The following DENND1A variants were observed in gnomAD, a reference collection of about 807,000 sequenced individuals.
DENND1A encodes the protein DENN domain containing 1A.
A neutral mutation model predicts 113.7 loss-of-function variants in DENND1A; 51 were observed. The observed-to-expected ratio is 0.45, with a 90% CI of 0.36 to 0.57. DENND1A has a LOEUF of 0.57. Ranked by LOEUF, DENND1A falls within the 20% of genes least tolerant of loss-of-function variation. The pLI, the probability that DENND1A is intolerant of heterozygous loss-of-function variation, is 0.00. For missense variants in DENND1A, 1,258 were observed against 1,395.9 expected (o/e 0.90, Z 1.57); for synonymous variants, 565 against 570.8 (o/e 0.99, Z 0.14).
At chr9:123,750,607 T>A (rs926710388) in intron 5 of DENND1A, among the ~76,000 whole-genome samples, 2 of 152,138 alleles carry the variant, frequency 1.3e-5, no homozygotes, top group Admixed American at 6.5e-5. Context: ...ATCCAGAGAA[T>A]AACAAGAACA....
At chr9:123,679,878 G>A (rs770567067) in intron 5 of DENND1A, among the ~76,000 whole-genome samples, 45 of 152,256 alleles carry the variant, frequency 3.0e-4, no homozygotes, top group Non-Finnish European at 5.7e-4. Flanking sequence ...CTAACGGGGT[G>A]CGACCATCCG....
chr9:123,651,412 G>A (rs776761802), intron 9 of DENND1A, among the ~76,000 whole-genome samples: 23 of 152,166 alleles, frequency 1.5e-4, no homozygotes, highest in Admixed American at 5.9e-4. Flanking sequence ...GCACATGCGC[G>A]CACACACACA....
chr9:123,705,313 T>C (rs143512271), intron 5 of DENND1A, among the ~76,000 whole-genome samples: 12 of 152,220 alleles, frequency 7.9e-5, no homozygotes, highest in African/African-American at 2.9e-4. Context: ...TTACTTCTGC[T>C]CAACGTTGTA....
chr9:123,693,441 G>A (rs1418186694), intron 5 of DENND1A, among the ~76,000 whole-genome samples: 1 of 152,120 alleles, frequency 6.6e-6, no homozygotes, highest in Non-Finnish European at 1.5e-5. Context: ...TGCTTGTGTT[G>A]CTCCTTTGTG....
intron 10 of DENND1A, among the ~76,000 whole-genome samples, chr9:123,621,691 T>C (rs1265900859): frequency 2.0e-5 from 3 of 152,192 alleles, no homozygotes; most frequent in Admixed American, 6.5e-5. Context: ...GGGCCAGACA[T>C]TTCTGCTTCC....
chr9:123,756,595 G>A (rs1385681168), intron 5 of DENND1A, among the ~76,000 whole-genome samples: 3 of 152,076 alleles, frequency 2.0e-5, no homozygotes, highest in Non-Finnish European at 2.9e-5. Context: ...GAAGAGAGTC[G>A]ACTTCACTGA....
intron 2 of DENND1A, among the ~76,000 whole-genome samples, chr9:123,848,327 T>G (rs1162179524): frequency 2.0e-5 from 3 of 151,746 alleles, no homozygotes; most frequent in Non-Finnish European, 4.4e-5. Flanking sequence ...ATTTTGGGAA[T>G]TTTTTGCAAT....
intron 20 of DENND1A, among the ~76,000 whole-genome samples, chr9:123,410,765 G>A (rs978450614): frequency 1.3e-5 from 2 of 152,212 alleles, no homozygotes; most frequent in African/African-American, 2.4e-5. Flanking sequence ...GAGGGCGGGA[G>A]GACTAGGACA....
At chr9:123,929,846 G>A (rs1334518588) in intron 1 of DENND1A, 43 bp downstream of exon 1, 2 of 237,980 alleles carry the variant, frequency 8.4e-6, no homozygotes, top group East Asian at 1.0e-4. Context: ...CGGCCTCGCC[G>A]CCCCGCGCCC....
At chr9:123,701,110 G>T (rs1439759053) in intron 5 of DENND1A, among the ~76,000 whole-genome samples, 1 of 152,150 alleles carries the variant, frequency 6.6e-6, no homozygotes, top group Non-Finnish European at 1.5e-5. Flanking sequence ...CAATATAGGG[G>T]AAAATCTCTG....
chr9:123,799,421 C>T (rs1834281084), intron 2 of DENND1A, among the ~76,000 whole-genome samples: 2 of 152,150 alleles, frequency 1.3e-5, no homozygotes, highest in South Asian at 2.1e-4. Flanking sequence ...CAGGAGTTTA[C>T]AGTCTAGCCC....
intron 19 of DENND1A, among the ~76,000 whole-genome samples, chr9:123,421,340 G>T (rs567122195): frequency 1.3e-5 from 2 of 151,910 alleles, no homozygotes; most frequent in South Asian, 4.2e-4. Context: ...GACAGCTAAC[G>T]GGTGGCAGAG....
intron 3 of DENND1A, among the ~76,000 whole-genome samples, chr9:123,791,612 C>G (rs1219353076): frequency 6.6e-6 from 1 of 152,030 alleles, no homozygotes; most frequent in Non-Finnish European, 1.5e-5. Flanking sequence ...TATCAGATAC[C>G]TTGCTCTCTA....
chr9:123,684,426 G>A (rs1360282372), intron 5 of DENND1A, among the ~76,000 whole-genome samples: 1 of 152,136 alleles, frequency 6.6e-6, no homozygotes, highest in African/African-American at 2.4e-5. Flanking sequence ...AACTCGAGGT[G>A]AGAAGGAGGA....
At chr9:123,830,212 G>A (rs1839968546) in intron 2 of DENND1A, among the ~76,000 whole-genome samples, 1 of 152,160 alleles carries the variant, frequency 6.6e-6, no homozygotes, top group Admixed American at 6.5e-5. Context: ...TCTTTATGTT[G>A]AGTGAAAGAA....
intron 21 of DENND1A, among the ~76,000 whole-genome samples, chr9:123,388,823 T>C (rs2042696910): frequency 6.6e-6 from 1 of 152,174 alleles, no homozygotes; most frequent in Non-Finnish European, 1.5e-5. Context: ...GCCCTTGTGC[T>C]GGGGAGTAGG....
rs2042448293 is a variant in DENND1A, at chr9:123,384,367, C to G, written c.1761-454G>C. Among the ~76,000 whole-genome samples the G allele has an allele frequency of 2.0e-5, 3 of 152,206 alleles. No individual in the cohort carries two copies. The South Asian group carries it at 6.2e-4, about 32-fold the overall frequency. ...GGTTCTGTGAACAGCCCATGGGGAA[C>G]TGGGCTGGGGAAGCTCTCCAGGGGA... On this transcript the variant is annotated intron_variant, in intron 22 of 23. Transcript: ENST00000394215.
At chr9:123,387,426 T>C (rs1003102943) in intron 22 of DENND1A, among the ~76,000 whole-genome samples, 20 of 152,188 alleles carry the variant, frequency 1.3e-4, no homozygotes, top group African/African-American at 4.3e-4. Context: ...ACCAGGCTAA[T>C]TGTAGTCACC....
intron 10 of DENND1A, among the ~76,000 whole-genome samples, chr9:123,625,105 C>T (rs2061140623): frequency 6.6e-6 from 1 of 152,168 alleles, no homozygotes; most frequent in South Asian, 2.1e-4. Context: ...TACATATATA[C>T]ATCCGATTTT....
Sources: allele counts gnomAD v4.1 joint callset (sites outside exome capture counted in the v4.1 genomes callset), GRCh38; gene constraint gnomAD v4.1.1; transcripts MANE v1.5; gene names NCBI Gene and HGNC (gene_info 2026-07-23, HGNC 2026-07-21).